Variants in THSD4 observed in about 807,000 individuals in gnomAD.
THSD4 encodes thrombospondin type 1 domain containing 4, also known as thrombospondin type-1 domain-containing protein 4.
THSD4 carries 69 observed loss-of-function variants against 119.0 expected under a neutral mutation model. The ratio of observed to expected loss-of-function variants is 0.58; its 90% CI spans 0.48 to 0.71. The LOEUF (loss-of-function observed/expected upper bound fraction) is 0.71, where lower values mean the gene tolerates loss of function less well. Ranked by LOEUF, THSD4 falls within the 30% of genes least tolerant of loss-of-function variation. THSD4 has a pLI of 0.00. For missense variants in THSD4, 1,393 were observed against 1,391.1 expected, an observed-to-expected ratio of 1.00 and a Z score of -0.02; for synonymous variants, 524 against 540.4, an observed-to-expected ratio of 0.97 and a Z score of 0.42.
chr15:71,276,220 C>A (rs1596309427), intron 6 of THSD4, among the ~76,000 whole-genome samples: 1 of 152,308 alleles, frequency 6.6e-6, no homozygotes. Context: ...ACCATGTTTA[C>A]CCTGGAATAA....
At chr15:71,627,335 G>A (rs1341116027) in intron 7 of THSD4, among the ~76,000 whole-genome samples, 1 of 152,238 alleles carries the variant, frequency 6.6e-6, no homozygotes, top group Non-Finnish European at 1.5e-5. Context: ...GACAGGGCCA[G>A]TAGGGCTGAA....
intron 15 of THSD4, among the ~76,000 whole-genome samples, chr15:71,759,618 C>T (rs1279588049): frequency 5.3e-5 from 8 of 152,132 alleles, no homozygotes; most frequent in Admixed American, 5.2e-4. Flanking sequence ...AATTCAGCAG[C>T]GACTGTATAT....
chr15:71,117,045 A>G lies in THSD4; in HGVS notation c.-80+1347A>G, dbSNP rs1284844315. Among the ~76,000 whole-genome samples the G allele has an allele frequency of 3.3e-5, 5 of 152,140 alleles. No homozygotes were observed. In the East Asian group the frequency reaches 9.8e-4, roughly 30 times the overall value. Reference sequence around the variant, plus strand: ...CTGGGACTTTCCTATAAATCTCTGCAGGGCTGGAGCAGGGATTTCCCAGAG... The same window carrying G: ...CTGGGACTTTCCTATAAATCTCTGCGGGGCTGGAGCAGGGATTTCCCAGAG... On this transcript the variant is annotated intron_variant, in intron 1 of 17. Transcript: ENST00000261862.
intron 3 of THSD4, chr15:71,183,188 A>G (rs948208276): frequency 1.3e-5 from 2 of 151,822 alleles, no homozygotes; most frequent in Non-Finnish European, 2.9e-5. Context: ...GCGGCAGGCA[A>G]GAGAGTGCTT....
At chr15:71,332,892 A>AGTTTTTTTTTTTTTTTTTTTTTTTTTT in intron 6 of THSD4, among the ~76,000 whole-genome samples, 1 of 77,006 alleles carries the variant, frequency 1.3e-5, no homozygotes, top group South Asian at 5.8e-4. Flanking sequence ...ATTTTTTTAC[A>AGTTTTTTTTTTTTTTTTTTTTTTTTTT]TTTTTTTTTT....
chr15:71,767,068 T>A (rs1232313890), intron 16 of THSD4: 1 of 152,180 alleles, frequency 6.6e-6, no homozygotes, highest in Admixed American at 6.5e-5. Context: ...CGGTAGGAGA[T>A]ACACAACTGT....
chr15:71,521,546 T>C (rs2048441328), intron 7 of THSD4, among the ~76,000 whole-genome samples: 1 of 152,178 alleles, frequency 6.6e-6, no homozygotes, highest in Admixed American at 6.6e-5. Flanking sequence ...TCTATGTTTC[T>C]CCAACTTGAA....
At chr15:71,776,876 A>T (rs1429273818) in intron 17 of THSD4, among the ~76,000 whole-genome samples, 1 of 152,238 alleles carries the variant, frequency 6.6e-6, no homozygotes, top group African/African-American at 2.4e-5. Context: ...TTATGTTTAA[A>T]TGTCACAGAG....
At chr15:71,257,115 G>A (rs1348084805) in intron 6 of THSD4, among the ~76,000 whole-genome samples, 1 of 152,080 alleles carries the variant, frequency 6.6e-6, no homozygotes, top group Admixed American at 6.6e-5. Flanking sequence ...GAGAACATGT[G>A]GGGTTGTACA....
chr15:71,282,555 C>A (rs1358965294), intron 6 of THSD4, among the ~76,000 whole-genome samples: 1 of 152,144 alleles, frequency 6.6e-6, no homozygotes, highest in Non-Finnish European at 1.5e-5. Flanking sequence ...TAGCTAAGCT[C>A]TGCTCCTTGA....
intron 1 of THSD4, among the ~76,000 whole-genome samples, chr15:71,126,273 G>A (rs2040455373): frequency 6.6e-6 from 1 of 152,180 alleles, no homozygotes; most frequent in African/African-American, 2.4e-5. Flanking sequence ...ACAGGCCACA[G>A]GAGGCTCTCC....
intron 7 of THSD4, among the ~76,000 whole-genome samples, chr15:71,469,458 C>G (rs1277431822): frequency 1.3e-5 from 2 of 152,178 alleles, no homozygotes; most frequent in Admixed American, 6.5e-5. Flanking sequence ...GCGAGAATGT[C>G]CGTGGCCTAG....
chr15:71,172,666 T>G (rs2043382320), intron 3 of THSD4, among the ~76,000 whole-genome samples: 2 of 42,294 alleles, frequency 4.7e-5, no homozygotes, highest in Non-Finnish European at 1.2e-4. Context: ...GAATACAGCA[T>G]GAAAATAGAC....
intron 7 of THSD4, among the ~76,000 whole-genome samples, chr15:71,613,572 C>T (rs2050268689): frequency 1.3e-5 from 2 of 152,110 alleles, no homozygotes; most frequent in African/African-American, 4.8e-5. Context: ...CTTATCTAGA[C>T]CCTCTCATTT....
intron 6 of THSD4, among the ~76,000 whole-genome samples, chr15:71,321,786 A>T (rs2045272732): frequency 6.6e-6 from 1 of 152,190 alleles, no homozygotes; most frequent in Non-Finnish European, 1.5e-5. Flanking sequence ...TAACTGAAAA[A>T]CAGCTGAAAC....
chr15:71,425,787 G>C (rs1335456604), intron 7 of THSD4, among the ~76,000 whole-genome samples: 1 of 152,214 alleles, frequency 6.6e-6, no homozygotes, highest in Non-Finnish European at 1.5e-5. Context: ...AGTTAATCTT[G>C]AACTCATCAC....
chr15:71,633,195 A>G lies in THSD4; in HGVS notation c.1153-27335A>G, dbSNP rs532351355. Among the ~76,000 whole-genome samples, 76 of 152,230 alleles carry G rather than the reference A, an allele frequency of 5.0e-4. No individual in the cohort carries two copies. In the South Asian group the frequency reaches 0.014, roughly 28 times the overall value. ...GAGAAAGATACCACAGAGGCTGAAG[A>G]CAGGTCTAACTGGGGGAATATAGTG... On this transcript the variant is annotated intron_variant, in intron 7 of 17. Transcript: ENST00000261862.
chr15:71,389,940 G>T (rs1210551261), intron 6 of THSD4, among the ~76,000 whole-genome samples: 19 of 150,558 alleles, frequency 1.3e-4, no homozygotes, highest in Non-Finnish European at 5.9e-5. Flanking sequence ...CTGTAGCTGG[G>T]ACTACAGGCG....
intron 7 of THSD4, among the ~76,000 whole-genome samples, chr15:71,505,304 T>G (rs1195259363): frequency 1.3e-5 from 2 of 152,234 alleles, no homozygotes; most frequent in African/African-American, 2.4e-5. Context: ...TCTCTTTTGC[T>G]TTAGTACCAA....
Sources: gnomAD v4.1 joint callset for allele counts (sites outside exome capture counted in the v4.1 genomes callset) on GRCh38, gnomAD v4.1.1 for gene constraint, MANE v1.5 for transcripts, NCBI Gene and HGNC (gene_info 2026-07-23, HGNC 2026-07-21) for gene names.